Variants in MTOR observed in about 807,000 individuals in gnomAD.
MTOR encodes the protein mechanistic target of rapamycin kinase.
In MTOR, 70 loss-of-function variants were observed where a neutral mutation model predicts 319.8. The ratio of observed to expected loss-of-function variants is 0.22; its 90% confidence interval spans 0.18 to 0.27. The LOEUF is 0.27. MTOR is among the 10% of genes least tolerant of loss of function. The probability of loss-of-function intolerance (pLI) is 1.00; values close to 1 mark genes in which losing one functional copy is unlikely to be tolerated. For missense variants in MTOR, 1,890 were observed against 3,274.4 expected, an observed-to-expected ratio of 0.58 and a Z score of 10.32; for synonymous variants, 1,183 against 1,211.4, an observed-to-expected ratio of 0.98 and a Z score of 0.49.
At position 11,240,437 on chromosome 1, in the gene MTOR, G is replaced by A. The variant is rs1647855910; in HGVS notation, c.1652C>T (p.Pro551Leu). The A allele has an allele frequency of 6.2e-7, 1 of 1,614,272 alleles. No homozygotes were observed. The highest frequency in any genetic ancestry group is 8.5e-7 in the Non-Finnish European group (1 of 1,180,054). The change falls in exon 11 of 58, where the codon CCC becomes CTC. Residue 551 changes from proline to leucine, a missense_variant. This residue lies in a region of MTOR where 418 missense variants were observed against 543.1 expected (regional missense o/e 0.77). Transcript: ENST00000361445. ...CTTGGGCATGCCTGGGTGGCGAAGGGGTTTGTGCATAAGGACCAGGGACAG... is the reference window on the plus strand; with the variant it reads ...CTTGGGCATGCCTGGGTGGCGAAGGAGTTTGTGCATAAGGACCAGGGACAG... ...KMLSLVLMHKPLRHPGMPKGL... is the reference protein window; with the variant it reads ...KMLSLVLMHKLLRHPGMPKGL...
chr1:11,160,314 G>C (rs1557787596), intron 29 of MTOR, among the ~76,000 whole-genome samples: 1 of 152,074 alleles, frequency 6.6e-6, no homozygotes, highest in Non-Finnish European at 1.5e-5. Context: ...TGGTCAGGCT[G>C]GTCTTGAACT....
intron 25 of MTOR, among the ~76,000 whole-genome samples, chr1:11,207,349 G>A (rs946699737): frequency 1.3e-5 from 2 of 151,186 alleles, no homozygotes; most frequent in Admixed American, 6.6e-5. Flanking sequence ...TAATCCTCCC[G>A]CCTGGCTTCC....
At position 11,115,530 on chromosome 1, in the gene MTOR, T is replaced by A; in HGVS notation, c.7017-62A>T. On this transcript the variant is annotated intron_variant, in intron 50 of 57. Coordinates refer to ENST00000361445, the MANE Select transcript of MTOR (RefSeq NM_004958.4). This position sits in a 1 kb window ranked among gnomAD's most constrained non-coding sequence, Gnocchi z 4.5. Reference sequence around the variant, plus strand: ...CAGAGATAACGGATGAAAAAATCAATAAGTACGTGATACTGTAAGCTAGGA... The same window carrying A: ...CAGAGATAACGGATGAAAAAATCAAAAAGTACGTGATACTGTAAGCTAGGA... The A allele has an allele frequency of 6.7e-7, 1 of 1,498,974 alleles. No homozygotes were observed. Among genetic ancestry groups the A allele is most frequent in the Admixed American group, 1.7e-5 (1 of 59,810 alleles). The allele number at this position is 1,498,974 out of a possible 1,614,324, so 92.9% of individuals were successfully genotyped here.
intron 29 of MTOR, among the ~76,000 whole-genome samples, chr1:11,159,147 T>C (rs1381705494): frequency 1.3e-5 from 2 of 152,148 alleles, no homozygotes; most frequent in East Asian, 1.9e-4. Context: ...TGCGGAGTCC[T>C]TGTCTCAATC....
At chr1:11,215,196 T>C (rs1646430948) in intron 20 of MTOR, among the ~76,000 whole-genome samples, 1 of 152,182 alleles carries the variant, frequency 6.6e-6, no homozygotes. Flanking sequence ...AAGTCACAGA[T>C]TACTTCATCC....
At chr1:11,211,511 G>C (rs903472068) in intron 23 of MTOR, among the ~76,000 whole-genome samples, 1 of 152,186 alleles carries the variant, frequency 6.6e-6, no homozygotes, top group African/African-American at 2.4e-5. Context: ...GGGACCACAG[G>C]CACGTGTTCC....
intron 30 of MTOR, among the ~76,000 whole-genome samples, chr1:11,154,068 CAAAAAAAAAAAAAAAAAA>C (rs70977548): frequency 4.0e-3 from 52 of 13,066 alleles, no homozygotes; most frequent in African/African-American, 0.011. Context: ...GACTCTGTCT[CAAAAAAAAAAAAAAAAAA>C]AAAAAAAAAA....
intron 30 of MTOR, among the ~76,000 whole-genome samples, chr1:11,152,823 A>G (rs1644194154): frequency 6.6e-6 from 1 of 152,248 alleles, no homozygotes; most frequent in Non-Finnish European, 1.5e-5. Context: ...AATAAACCGT[A>G]TCAGAAACCT....
chr1:11,240,844 T>A (rs898463603), intron 10 of MTOR, among the ~76,000 whole-genome samples: 1 of 152,160 alleles, frequency 6.6e-6, no homozygotes, highest in Non-Finnish European at 1.5e-5. Flanking sequence ...GTCCTTATTT[T>A]ACAGATGAAG....
intron 25 of MTOR, among the ~76,000 whole-genome samples, chr1:11,206,077 TACA>T (rs1375146759): frequency 3.3e-5 from 5 of 152,178 alleles, no homozygotes; most frequent in African/African-American, 7.2e-5. Context: ...CCACTGACCA[TACA>T]ACGAGAACCT....
At chr1:11,210,492 T>C (rs958863238) in intron 24 of MTOR, among the ~76,000 whole-genome samples, 2 of 152,020 alleles carry the variant, frequency 1.3e-5, no homozygotes, top group Non-Finnish European at 2.9e-5. Flanking sequence ...TTTTAAATGG[T>C]TGGGGGGAAA....
rs754646814 is a variant in MTOR at position 11,213,385 on chromosome 1, C to G, written c.3285+14G>C. 4.4e-6 allele frequency: 7 copies of G among 1,607,302 alleles called. No individual in the cohort carries two copies. The South Asian group carries it at 7.7e-5, about 18-fold the overall frequency. On this transcript the variant is annotated intron_variant, in intron 21 of 57. Coordinates refer to ENST00000361445, the MANE Select transcript of MTOR (RefSeq NM_004958.4). ...ATCAGAAAATCTCTCTGGAGGATGA[C>G]GTAGGCTACTCACCTTGATAGAGAC...
At chr1:11,153,368 T>C (rs1256770846) in intron 30 of MTOR, among the ~76,000 whole-genome samples, 2 of 152,232 alleles carry the variant, frequency 1.3e-5, no homozygotes, top group African/African-American at 4.8e-5. Flanking sequence ...CAGAGAAATG[T>C]GCTGAAGAAG....
Position 11,150,220 on chromosome 1 carries a change from T to C in MTOR, c.4476A>G (p.Gln1492=). 6 of 1,613,518 alleles carry C rather than the reference T, an allele frequency of 3.7e-6. No homozygotes were observed. Among genetic ancestry groups the C allele is most frequent in the South Asian group, 1.1e-5 (1 of 90,970 alleles). Residue 1492 remains glutamine (Q), a synonymous_variant, in exon 31 of 58, where the codon CAA becomes CAG. Transcript: ENST00000361445. ...RCLEALGEWG[Q]LHQQCCEKWT... is the part of the protein sequence containing the mutation. ...ACTTTTCACAGCACTGCTGGTGGAG[T>C]TGACCCCTGAAGAAAATGAATTATA...
intron 19 of MTOR, 25 bp from the exon 20 acceptor site, chr1:11,216,259 G>A (rs746812333): frequency 1.3e-6 from 2 of 1,588,912 alleles, no homozygotes; most frequent in African/African-American, 1.3e-5. Flanking sequence ...AGGTCAACCA[G>A]CTGGTATCAT....
At chr1:11,197,629 C>T (rs2100738311) in intron 28 of MTOR, among the ~76,000 whole-genome samples, 1 of 152,332 alleles carries the variant, frequency 6.6e-6, no homozygotes, top group East Asian at 1.9e-4. Context: ...GCAACCTCCA[C>T]CTCCCAGGTT....
At chr1:11,238,117 C>T in intron 12 of MTOR, 69 bp from the exon 13 acceptor site, 5 of 1,446,982 alleles carry the variant, frequency 3.5e-6, no homozygotes, top group Non-Finnish European at 4.8e-6. Context: ...CCAGCTTCTA[C>T]CTCCACTGCC....
rs1642965023 is a variant in MTOR, at chr1:11,128,584, A to G, written c.5812-32T>C. The G allele has an allele frequency of 1.3e-6, 2 of 1,586,448 alleles. No homozygotes were observed. The highest frequency in any genetic ancestry group is 1.7e-6 in the Non-Finnish European group (2 of 1,155,236). ...TTCAAAAAGACACAGTATGTAGCATATGAGACTTGAAACAACTAGTTATTC... is the reference window on the plus strand; with the variant it reads ...TTCAAAAAGACACAGTATGTAGCATGTGAGACTTGAAACAACTAGTTATTC... On this transcript the variant is annotated intron_variant, in intron 41 of 57. Coordinates refer to ENST00000361445, the MANE Select transcript of MTOR (RefSeq NM_004958.4). This position sits in a 1 kb window ranked among gnomAD's most constrained non-coding sequence, Gnocchi z 5.3.
At position 11,240,532 on chromosome 1, in the gene MTOR, T is replaced by G. The variant is rs1321403537; in HGVS notation, c.1557A>C (p.Ala519=). Residue 519 remains alanine (A), a synonymous_variant, in exon 11 of 58, where the codon GCA becomes GCC. Coordinates refer to ENST00000361445, the MANE Select transcript of MTOR (RefSeq NM_004958.4). ...TCTGACGGCTCAGGTCGTAGAGCAC[T>G]GCAGTGAGGGCAGGGCTGAGGGGAA... ...LAVGLSPALT[A]VLYDLSRQIP... 2 of 1,614,000 alleles carry G rather than the reference T, an allele frequency of 1.2e-6. No individual in the cohort carries two copies. Among genetic ancestry groups the G allele is most frequent in the East Asian group, 4.5e-5 (2 of 44,898 alleles).
Sources: gnomAD v4.1 joint callset for allele counts (sites outside exome capture counted in the v4.1 genomes callset) on GRCh38, gnomAD v4.1.1 for gene constraint, gnomAD v4.1.1 regional missense constraint, Gnocchi (gnomAD v3.1) non-coding constraint, MANE v1.5 for transcripts, NCBI Gene and HGNC (gene_info 2026-07-23, HGNC 2026-07-21) for gene names.